The following RMND1 variants were observed in gnomAD, a reference collection of about 807,000 sequenced individuals.
RMND1 encodes required for meiotic nuclear division 1 homolog.
A neutral mutation model predicts 54.0 loss-of-function variants in RMND1; 41 were observed. The observed-to-expected ratio is 0.76, with a 90% CI of 0.59 to 0.98. The LOEUF (loss-of-function observed/expected upper bound fraction) is 0.98, where lower values mean the gene tolerates loss of function less well. RMND1 is among the 50% of genes least tolerant of loss of function. RMND1 has a pLI of 0.00. For synonymous variants in RMND1, 183 were observed against 181.7 expected (o/e 1.01, Z -0.06); for missense variants, 457 against 532.0 (o/e 0.86, Z 1.39).
chr6:151,407,948 T>C (rs998794069), intron 10 of RMND1, among the ~76,000 whole-genome samples: 1 of 151,972 alleles, frequency 6.6e-6, no homozygotes, highest in African/African-American at 2.4e-5. Flanking sequence ...CAGCATGCTT[T>C]CTATTTATTT....
chr6:151,417,422 T>C, intron 9 of RMND1, 23 bp from the exon 10 acceptor site: 4 of 1,507,630 alleles, frequency 2.7e-6, no homozygotes, highest in South Asian at 1.2e-5. Context: ...AAATTATAAC[T>C]TTTTATTTAT....
chr6:151,417,201 C>G, intron 10 of RMND1, 78 bp downstream of exon 10: 2 of 1,427,740 alleles, frequency 1.4e-6, no homozygotes, highest in Middle Eastern at 1.8e-4. Flanking sequence ...CAAGATATTT[C>G]TCTGCAAGCA....
In RMND1 at chr6:151,412,598, A is replaced by G. The variant is rs187769599; in HGVS notation, c.1200+4681T>C. Among the ~76,000 whole-genome samples, 358 of 152,340 alleles carry G rather than the reference A, an allele frequency of 2.4e-3. 2 individuals are homozygous for G. Among genetic ancestry groups the G allele is most frequent in the African/African-American group, 8.1e-3 (337 of 41,568 alleles). On this transcript the variant is annotated intron_variant, in intron 10 of 11. Coordinates refer to ENST00000444024, the MANE Select transcript of RMND1 (RefSeq NM_017909.4). Reference sequence around the variant, plus strand: ...TATTAGTCCAGTCTCTCACTGCTATAAAGAAATACCTGAGACGGGGTAATT... The same window carrying G: ...TATTAGTCCAGTCTCTCACTGCTATGAAGAAATACCTGAGACGGGGTAATT...
At chr6:151,450,792 G>T (rs1470560317) in intron 1 of RMND1, among the ~76,000 whole-genome samples, 1 of 152,090 alleles carries the variant, frequency 6.6e-6, no homozygotes, top group Non-Finnish European at 1.5e-5. Context: ...TTGAGAAATC[G>T]GATGGTTGCC....
rs536456043 is a variant in RMND1, at chr6:151,430,658, C to T, written c.690-481G>A. On this transcript the variant is annotated intron_variant, in intron 4 of 11. Coordinates refer to ENST00000444024, the MANE Select transcript of RMND1 (RefSeq NM_017909.4). ...GGCCTCTATGGAATAATGCTCCCCA[C>T]GCTCACAGTGCTTGGAACAGAACTA... Among the ~76,000 whole-genome samples, 220 of 152,306 alleles carry T rather than the reference C, an allele frequency of 1.4e-3. 1 individual carries two copies. The highest frequency in any genetic ancestry group is 2.3e-3 in the Non-Finnish European group (158 of 68,020).
chr6:151,445,498 C>T lies in RMND1; in HGVS notation c.314G>A (p.Arg105Lys). 3 of 1,614,182 alleles carry T rather than the reference C, an allele frequency of 1.9e-6. No homozygotes were observed. The highest frequency in any genetic ancestry group is 2.7e-5 in the African/African-American group (2 of 75,048). Residue 105 changes from arginine to lysine, a missense_variant, in exon 2 of 12, where the codon AGG becomes AAG. Coordinates refer to ENST00000444024, the MANE Select transcript of RMND1 (RefSeq NM_017909.4). The part of the protein sequence containing the change: ...LPTMKSFGTH[R>K]RVTHKPNLLG... ...CAGATTTGGTTTGTGGGTCACTCTC[C>T]TGTGAGTACCAAAGGATTTCATGGT...
chr6:151,422,845 C>G (rs1780193371), intron 7 of RMND1, among the ~76,000 whole-genome samples: 1 of 152,152 alleles, frequency 6.6e-6, no homozygotes, highest in South Asian at 2.1e-4. Flanking sequence ...TAGTAGAACT[C>G]TTGATTTTCT....
At chr6:151,430,450 C>T (rs750810498) in intron 4 of RMND1, among the ~76,000 whole-genome samples, 4 of 152,138 alleles carry the variant, frequency 2.6e-5, no homozygotes, top group Admixed American at 6.5e-5. Context: ...TATAACTTCA[C>T]GTATGTAGAC....
chr6:151,418,487 T>G (rs1193842365), intron 9 of RMND1: 2 of 152,132 alleles, frequency 1.3e-5, no homozygotes, highest in African/African-American at 2.4e-5. Flanking sequence ...GATAATGTCT[T>G]CATATGTCAC....
chr6:151,406,572 G>C (rs1162964377), intron 10 of RMND1, among the ~76,000 whole-genome samples: 1 of 152,012 alleles, frequency 6.6e-6, no homozygotes, highest in Non-Finnish European at 1.5e-5. Flanking sequence ...GGATGGTCTC[G>C]ATCTCCTGAC....
At chr6:151,415,699 A>G (rs1779983341) in intron 10 of RMND1, among the ~76,000 whole-genome samples, 1 of 150,910 alleles carries the variant, frequency 6.6e-6, no homozygotes, top group Non-Finnish European at 1.5e-5. Context: ...AGGCTGAGGC[A>G]GGAGAATGGC....
chr6:151,436,405 T>C, intron 3 of RMND1, 41 bp downstream of exon 3: 1 of 1,610,784 alleles, frequency 6.2e-7, no homozygotes, highest in Non-Finnish European at 8.5e-7. Context: ...AATTATCCAA[T>C]ACATTTTAAC....
rs907558485 is a variant in RMND1, at chr6:151,423,696, A to G, written c.831-65T>C. The G allele has an allele frequency of 1.7e-4, 179 of 1,050,610 alleles. 3 individuals carry two copies. Among genetic ancestry groups the G allele is most frequent in the South Asian group, 1.4e-3 (107 of 79,104 alleles). The allele number at this position is 1,050,610 out of a possible 1,614,324, so 65.1% of individuals were successfully genotyped here. On this transcript the variant is annotated intron_variant, in intron 6 of 11. Transcript: ENST00000444024. ...AAGCACTTTAACTTTTCCTTTGAAA[A>G]AGACACCATATCATCTTTCTGGAGG...
rs374648455 is a variant in RMND1, at chr6:151,422,205, G to T, written c.1002+336C>A. On this transcript the variant is annotated intron_variant, in intron 8 of 11. Transcript: ENST00000444024. The stretch of plus-strand genomic sequence containing the variant: ...AGTATTTTGAGAAAAAAGAATGGTT[G>T]CATCTGTACCGAACATGTACAAACT... Among the ~76,000 whole-genome samples, 17 of 152,216 alleles carry T rather than the reference G, an allele frequency of 1.1e-4. No homozygotes were observed. The East Asian group carries it at 3.1e-3, about 28-fold the overall frequency.
intron 2 of RMND1, among the ~76,000 whole-genome samples, chr6:151,443,853 T>C (rs1207936164): frequency 6.6e-6 from 1 of 152,128 alleles, no homozygotes; most frequent in Non-Finnish European, 1.5e-5. Flanking sequence ...CCAGGAGGAG[T>C]TCCTCTTTTA....
intron 11 of RMND1, among the ~76,000 whole-genome samples, 163 bp from the exon 12 acceptor site, chr6:151,405,430 G>A (rs1779579018): frequency 1.3e-5 from 2 of 152,252 alleles, no homozygotes; most frequent in South Asian, 4.1e-4. Context: ...TGCTTGATTT[G>A]ATGTTGAGCT....
intron 3 of RMND1, among the ~76,000 whole-genome samples, chr6:151,434,737 ACT>A (rs999824952): frequency 6.6e-6 from 1 of 152,318 alleles, no homozygotes; most frequent in Admixed American, 6.5e-5. Flanking sequence ...AAGAATTTCC[ACT>A]GTTATAGGAA....
rs762029382 is a variant in RMND1, at chr6:151,405,189, G to A, written c.*46C>T. 1 of 1,572,110 alleles carries A rather than the reference G, an allele frequency of 6.4e-7. No homozygotes were observed. The highest frequency in any genetic ancestry group is 8.8e-7 in the Non-Finnish European group (1 of 1,142,792). ...CGGGCCGAACATTTAATTTTTGATT[G>A]TAGAACTTGAATATCTCTTGCAGTG... On this transcript the variant is annotated 3_prime_UTR_variant, in exon 12 of 12. Coordinates refer to ENST00000444024, the MANE Select transcript of RMND1 (RefSeq NM_017909.4).
At chr6:151,431,713 A>T (rs1464823346) in intron 4 of RMND1, among the ~76,000 whole-genome samples, 1 of 152,196 alleles carries the variant, frequency 6.6e-6, no homozygotes, top group Non-Finnish European at 1.5e-5. Context: ...TCAAAGACTT[A>T]GTATGACAAG....
Sources: allele counts gnomAD v4.1 joint callset (sites outside exome capture counted in the v4.1 genomes callset), GRCh38; gene constraint gnomAD v4.1.1; transcripts MANE v1.5; gene names NCBI Gene and HGNC (gene_info 2026-07-23, HGNC 2026-07-21).